STK39: variants seen among roughly 807,000 people sequenced by gnomAD.
STK39 encodes serine/threonine kinase 39.
STK39 carries 20 observed loss-of-function variants against 77.8 expected under a neutral mutation model. That is an observed-to-expected ratio of 0.26 (90% confidence interval 0.18 to 0.37). The LOEUF is 0.37. STK39 is among the 10% of genes least tolerant of loss of function. The pLI, the probability that STK39 is intolerant of heterozygous loss-of-function variation, is 1.00. For missense variants in STK39, 479 were observed against 656.5 expected (o/e 0.73, Z 2.95); for synonymous variants, 246 against 234.1 (o/e 1.05, Z -0.47).
intron 5 of STK39, among the ~76,000 whole-genome samples, chr2:168,155,612 G>A (rs1688406837): frequency 2.5e-5 from 3 of 120,932 alleles, no homozygotes; most frequent in Admixed American, 8.3e-5. Flanking sequence ...TATTTTCTGA[G>A]TATAACCAGT....
At chr2:168,150,230 G>T (rs1400639) in intron 5 of STK39, among the ~76,000 whole-genome samples, 22,133 of 152,254 alleles carry the variant, frequency 0.15, 1,807 homozygotes, top group East Asian at 0.25. Context: ...CTCAGATGAA[G>T]AGAACCATGG....
chr2:168,093,207 T>C (rs1574459277), intron 10 of STK39, among the ~76,000 whole-genome samples: 1 of 152,270 alleles, frequency 6.6e-6, no homozygotes, highest in African/African-American at 2.4e-5. Flanking sequence ...CTTCTCAAAC[T>C]CCCATTCCCA....
chr2:168,030,349 T>C (rs983773642), intron 14 of STK39, among the ~76,000 whole-genome samples: 2 of 152,190 alleles, frequency 1.3e-5, no homozygotes, highest in African/African-American at 2.4e-5. Flanking sequence ...GAGTTAGCCA[T>C]AGAGAACCAG....
At chr2:168,045,068 C>T (rs902121622) in intron 14 of STK39, among the ~76,000 whole-genome samples, 4 of 151,420 alleles carry the variant, frequency 2.6e-5, no homozygotes, top group African/African-American at 9.7e-5. Flanking sequence ...AACAAACAAA[C>T]AAAAAAACCA....
chr2:168,241,073 T>C (rs966570538), intron 1 of STK39, among the ~76,000 whole-genome samples: 2 of 151,332 alleles, frequency 1.3e-5, no homozygotes, highest in Non-Finnish European at 2.9e-5. Context: ...AATTTAGCAG[T>C]GAAAGGAAGA....
intron 10 of STK39, among the ~76,000 whole-genome samples, chr2:168,106,160 A>G (rs1356051333): frequency 1.3e-5 from 2 of 152,214 alleles, no homozygotes; most frequent in African/African-American, 4.8e-5. Flanking sequence ...AAGTAATGAT[A>G]CTCAGTCAGG....
intron 14 of STK39, among the ~76,000 whole-genome samples, chr2:168,026,451 T>C (rs1226062882): frequency 6.6e-6 from 1 of 152,232 alleles, no homozygotes; most frequent in East Asian, 1.9e-4. Flanking sequence ...GGAGATTAAG[T>C]GGCTTGTCTA....
At chr2:168,168,788 C>T (rs116440907) in intron 2 of STK39, among the ~76,000 whole-genome samples, 2,074 of 152,242 alleles carry the variant, frequency 0.014, 49 homozygotes, top group African/African-American at 0.048. Context: ...GTCAGGAGTT[C>T]AAGACCAGCC....
chr2:167,970,881 AT>A (rs199909998), intron 16 of STK39, among the ~76,000 whole-genome samples: 2 of 151,878 alleles, frequency 1.3e-5, no homozygotes, highest in African/African-American at 4.8e-5. Context: ...ATGTTACTTT[AT>A]TTTTTTTGTC....
At chr2:168,200,800 T>C (rs2105673274) in intron 1 of STK39, among the ~76,000 whole-genome samples, 1 of 152,378 alleles carries the variant, frequency 6.6e-6, no homozygotes. Flanking sequence ...CTTTTATTTT[T>C]GTTTCAGTTT....
At chr2:168,050,053 A>T (rs1685354151) in intron 14 of STK39, among the ~76,000 whole-genome samples, 1 of 152,226 alleles carries the variant, frequency 6.6e-6, no homozygotes, top group African/African-American at 2.4e-5. Context: ...ATGCAATTTC[A>T]TACTTCCATA....
chr2:168,148,747 A>G (rs1178990053), intron 5 of STK39, among the ~76,000 whole-genome samples: 1 of 152,218 alleles, frequency 6.6e-6, no homozygotes, highest in Admixed American at 6.5e-5. Context: ...CCCTATTCAG[A>G]GGCATACTGT....
At position 168,043,731 on chromosome 2, in the gene STK39, C is replaced by G. The variant is rs1298878245; in HGVS notation, c.1376+19769G>C. Among the ~76,000 whole-genome samples the G allele has an allele frequency of 3.9e-5, 6 of 152,350 alleles. No homozygotes were observed. In the East Asian group the frequency reaches 1.2e-3, roughly 29 times the overall value. On this transcript the variant is annotated intron_variant, in intron 14 of 17. Coordinates refer to ENST00000355999, the MANE Select transcript of STK39 (RefSeq NM_013233.3). ...TTTCTGACCTGAACTTTGTCATTAG[C>G]ACATATTACTCTGTGAAGATTTTGA...
In STK39 at chr2:168,018,558, G is replaced by GAA. The variant is rs1381612198; in HGVS notation, c.1377-1465_1377-1464dup. On this transcript the variant is annotated intron_variant, in intron 14 of 17. Transcript: ENST00000355999. ...GAAAGAAAAGAAAGAAAGAAAGAAA[G>GAA]AAAGAAAGAAAGAAAGAAAGAAAGA... 3.5e-5 allele frequency among the ~76,000 whole-genome samples: 5 copies of GAA among 141,712 alleles called. No individual in the cohort carries two copies. In the East Asian group the frequency reaches 6.1e-4, roughly 17 times the overall value. 93.0% of individuals were successfully genotyped at this position (141,712 alleles called of 152,430 possible). A position where few individuals can be genotyped will look rare whatever the true frequency, so the allele number is the denominator to read the frequency against.
chr2:168,143,328 C>T (rs1336709251), intron 5 of STK39, among the ~76,000 whole-genome samples: 2 of 152,234 alleles, frequency 1.3e-5, no homozygotes, highest in Non-Finnish European at 2.9e-5. Flanking sequence ...AAGATTTCTG[C>T]AGCAGCCTCC....
chr2:168,135,182 A>G (rs745767392), intron 8 of STK39, among the ~76,000 whole-genome samples: 15 of 152,300 alleles, frequency 9.8e-5, no homozygotes, highest in Non-Finnish European at 1.8e-4. Flanking sequence ...CAGTGTAATA[A>G]GTGCTACAAA....
intron 16 of STK39, among the ~76,000 whole-genome samples, chr2:167,988,689 G>C (rs1350094455): frequency 6.6e-6 from 1 of 152,168 alleles, no homozygotes; most frequent in Non-Finnish European, 1.5e-5. Context: ...CAAAGGTGGT[G>C]ATAGAGCTGA....
intron 10 of STK39, among the ~76,000 whole-genome samples, chr2:168,080,969 G>C (rs575993841): frequency 6.6e-6 from 1 of 152,234 alleles, no homozygotes; most frequent in African/African-American, 2.4e-5. Context: ...CCTCTGCCTA[G>C]ATTTAGGAGG....
chr2:168,139,408 T>TTATATATATATATATATATA lies in STK39; in HGVS notation c.840+880_840+881insTATATATATATATATATATA, dbSNP rs71003023. 7.7e-3 allele frequency among the ~76,000 whole-genome samples: 1,105 copies of TTATATATATATATATATATA among 144,364 alleles called. 15 individuals are homozygous for TTATATATATATATATATATA. Among genetic ancestry groups the TTATATATATATATATATATA allele is most frequent in the East Asian group, 0.026 (124 of 4,820 alleles). 94.7% of individuals were successfully genotyped at this position (144,364 alleles called of 152,430 possible). A position where few individuals can be genotyped will look rare whatever the true frequency, so the allele number is the denominator to read the frequency against. On this transcript the variant is annotated intron_variant, in intron 7 of 17. Coordinates refer to ENST00000355999, the MANE Select transcript of STK39 (RefSeq NM_013233.3). Reference sequence around the variant, plus strand: ...AAATCCTAACTATGTTAAAAAAAATTTATATATATATATATAAAAACAATA... The same window carrying TTATATATATATATATATATA: ...AAATCCTAACTATGTTAAAAAAAATTTATATATATATATATATATATATATATATATATATAAAAACAATA...
Sources: allele counts gnomAD v4.1 joint callset (sites outside exome capture counted in the v4.1 genomes callset), GRCh38; gene constraint gnomAD v4.1.1; transcripts MANE v1.5; gene names NCBI Gene and HGNC (gene_info 2026-07-23, HGNC 2026-07-21).